LSAMP: variants seen among roughly 807,000 people sequenced by gnomAD.
LSAMP encodes the protein limbic system-associated membrane protein.
LSAMP carries 7 observed loss-of-function variants against 38.6 expected under a neutral mutation model. That is an observed-to-expected ratio of 0.18 (90% CI 0.10 to 0.34). The LOEUF (loss-of-function observed/expected upper bound fraction) is 0.34. LSAMP is among the 10% of genes least tolerant of loss of function. The probability of loss-of-function intolerance (pLI) is 1.00; values close to 1 mark genes in which losing one functional copy is unlikely to be tolerated. For missense variants in LSAMP, 313 were observed against 420.0 expected (o/e 0.75, Z 2.23); for synonymous variants, 154 against 166.8 (o/e 0.92, Z 0.59).
chr3:116,188,715 T>C (rs1180536332), intron 1 of LSAMP, among the ~76,000 whole-genome samples: 1 of 152,234 alleles, frequency 6.6e-6, no homozygotes, highest in Non-Finnish European at 1.5e-5. Flanking sequence ...TCACTTAACA[T>C]GTATTTCTTG....
At chr3:115,899,775 A>T (rs1201536751) in intron 3 of LSAMP, among the ~76,000 whole-genome samples, 1 of 152,202 alleles carries the variant, frequency 6.6e-6, no homozygotes, top group Admixed American at 6.5e-5. Flanking sequence ...TGAGAAGGGG[A>T]CATGGCATCT....
At chr3:116,276,684 G>GA (rs200897808) in intron 1 of LSAMP, among the ~76,000 whole-genome samples, 1,097 of 106,746 alleles carry the variant, frequency 0.01, 9 homozygotes, top group East Asian at 0.073. Flanking sequence ...TAAAAAAAAA[G>GA]AAAAAAAAAA....
intron 1 of LSAMP, among the ~76,000 whole-genome samples, chr3:116,332,900 G>A (rs1458176483): frequency 1.3e-5 from 2 of 151,144 alleles, no homozygotes; most frequent in East Asian, 3.9e-4. Flanking sequence ...AATAACAAAG[G>A]GAATTATATA....
chr3:115,914,235 C>T (rs1937197861), intron 3 of LSAMP, among the ~76,000 whole-genome samples: 1 of 152,216 alleles, frequency 6.6e-6, no homozygotes, highest in South Asian at 2.1e-4. Flanking sequence ...ACAACCCATT[C>T]CCCTTGCAGG....
intron 3 of LSAMP, among the ~76,000 whole-genome samples, chr3:115,871,577 C>T (rs899899527): frequency 1.4e-5 from 2 of 144,040 alleles, no homozygotes; most frequent in Non-Finnish European, 3.0e-5. Context: ...AGAAAACCAA[C>T]GTGTAGTGTG....
chr3:116,149,686 A>G (rs1458618524), intron 1 of LSAMP, among the ~76,000 whole-genome samples: 2 of 151,992 alleles, frequency 1.3e-5, no homozygotes, highest in Admixed American at 6.6e-5. Flanking sequence ...TACAGACAGC[A>G]TTCAATGGTT....
At chr3:116,270,115 GTTTTA>G (rs2046950374) in intron 1 of LSAMP, among the ~76,000 whole-genome samples, 1 of 152,022 alleles carries the variant, frequency 6.6e-6, no homozygotes, top group African/African-American at 2.4e-5. Context: ...ATTTTCTTTG[GTTTTA>G]TTTTGTGTTT....
Position 116,108,532 on chromosome 3 carries a change from C to T in LSAMP, c.156-21976G>A, listed in dbSNP as rs146850727. ...ACTGTGAGAGTTACCTGAAGCTCGG[C>T]GTCCGTGATGGTCTACGGTGTTTCC... is the stretch of plus-strand genomic sequence containing the variant. On this transcript the variant is annotated intron_variant, in intron 1 of 6. Coordinates refer to ENST00000490035, the MANE Select transcript of LSAMP (RefSeq NM_002338.5). Among the ~76,000 whole-genome samples, 1,446 of 152,222 alleles carry T rather than the reference C, an allele frequency of 9.5e-3. 15 individuals are homozygous for T. Among genetic ancestry groups the T allele is most frequent in the Non-Finnish European group, 0.015 (990 of 68,022 alleles).
At chr3:116,299,950 C>T (rs2047385024) in intron 1 of LSAMP, among the ~76,000 whole-genome samples, 1 of 152,158 alleles carries the variant, frequency 6.6e-6, no homozygotes, top group African/African-American at 2.4e-5. Context: ...CTTGCCAACT[C>T]AGACAAAAAG....
At chr3:115,965,298 TG>T (rs1938763896) in intron 3 of LSAMP, among the ~76,000 whole-genome samples, 1 of 152,022 alleles carries the variant, frequency 6.6e-6, no homozygotes, top group African/African-American at 2.4e-5. Flanking sequence ...ATAACAATTG[TG>T]CTGAGACTAT....
chr3:116,151,045 T>C (rs1709598918), intron 1 of LSAMP, among the ~76,000 whole-genome samples: 1 of 151,992 alleles, frequency 6.6e-6, no homozygotes, highest in Non-Finnish European at 1.5e-5. Flanking sequence ...CCACTCCCTG[T>C]TTTCCATTCT....
chr3:116,118,659 G>A (rs968790901), intron 1 of LSAMP, among the ~76,000 whole-genome samples: 2 of 152,134 alleles, frequency 1.3e-5, no homozygotes, highest in African/African-American at 4.8e-5. Flanking sequence ...AGCTCCGTGA[G>A]ACCAGAGGCT....
At chr3:116,289,777 T>G (rs1315131591) in intron 1 of LSAMP, among the ~76,000 whole-genome samples, 3 of 152,176 alleles carry the variant, frequency 2.0e-5, no homozygotes, top group Non-Finnish European at 4.4e-5. Context: ...AATTATCAAA[T>G]TGGCCATATT....
intron 1 of LSAMP, among the ~76,000 whole-genome samples, chr3:116,156,222 C>CA (rs1709743985): frequency 6.6e-6 from 1 of 152,080 alleles, no homozygotes; most frequent in African/African-American, 2.4e-5. Context: ...AAAAGACCTC[C>CA]AGGACTGACT....
chr3:116,106,244 T>A (rs1045916458), intron 1 of LSAMP, among the ~76,000 whole-genome samples: 1 of 152,182 alleles, frequency 6.6e-6, no homozygotes, highest in Non-Finnish European at 1.5e-5. Flanking sequence ...CCAGGAGATA[T>A]CAGCTGTAAT....
chr3:115,965,787 C>T (rs1938789468), intron 3 of LSAMP, among the ~76,000 whole-genome samples: 1 of 151,730 alleles, frequency 6.6e-6, no homozygotes, highest in Non-Finnish European at 1.5e-5. Context: ...TAATCAAAGG[C>T]ATACAAGTTT....
At chr3:115,876,160 A>G (rs1035161698) in intron 3 of LSAMP, among the ~76,000 whole-genome samples, 2 of 151,658 alleles carry the variant, frequency 1.3e-5, no homozygotes, top group African/African-American at 2.4e-5. Flanking sequence ...GATATTTTGC[A>G]TGAATTATCT....
intron 3 of LSAMP, among the ~76,000 whole-genome samples, chr3:115,936,209 C>T (rs1937696708): frequency 6.6e-6 from 1 of 152,162 alleles, no homozygotes; most frequent in African/African-American, 2.4e-5. Flanking sequence ...AGTCAGTATT[C>T]TTTGGTAGCT....
At chr3:116,065,034 T>C (rs1707389056) in intron 2 of LSAMP, among the ~76,000 whole-genome samples, 1 of 152,224 alleles carries the variant, frequency 6.6e-6, no homozygotes, top group African/African-American at 2.4e-5. Flanking sequence ...ATTGATTTTG[T>C]CAGATGGACA....
Sources: gnomAD v4.1 joint callset for allele counts (sites outside exome capture counted in the v4.1 genomes callset) on GRCh38, gnomAD v4.1.1 for gene constraint, MANE v1.5 for transcripts, NCBI Gene and HGNC (gene_info 2026-07-23, HGNC 2026-07-21) for gene names.